SYNJ1: variants seen among roughly 807,000 people sequenced by gnomAD.
SYNJ1 encodes the protein polyphosphatidylinositol phosphatase SYNJ1.
Under a neutral mutation model 168.2 loss-of-function variants are expected in SYNJ1, and 78 were observed. That is an observed-to-expected ratio of 0.46 (90% confidence interval 0.39 to 0.56). The LOEUF (loss-of-function observed/expected upper bound fraction) is 0.56. Ranked by LOEUF, SYNJ1 falls within the 20% of genes least tolerant of loss-of-function variation. SYNJ1 has a pLI of 0.00. For missense variants in SYNJ1, 1,303 were observed against 1,597.6 expected (o/e 0.82, Z 3.14); for synonymous variants, 539 against 548.6 (o/e 0.98, Z 0.24).
At chr21:32,719,582 C>T (rs1447621153) in intron 2 of SYNJ1, among the ~76,000 whole-genome samples, 1 of 151,684 alleles carries the variant, frequency 6.6e-6, no homozygotes, top group African/African-American at 2.4e-5. Context: ...GGTGTGGTAG[C>T]GGGTGCCTGC....
chr21:32,640,574 C>T (rs1275053959), intron 29 of SYNJ1, among the ~76,000 whole-genome samples: 4 of 152,262 alleles, frequency 2.6e-5, no homozygotes, highest in Admixed American at 1.3e-4. Flanking sequence ...GGACCACAGG[C>T]GTGAGCCACC....
chr21:32,694,026 A>G (rs1187936617), intron 6 of SYNJ1, among the ~76,000 whole-genome samples: 1 of 152,232 alleles, frequency 6.6e-6, no homozygotes, highest in African/African-American at 2.4e-5. Flanking sequence ...TTCAATGGCT[A>G]TTTGAAAGAG....
At chr21:32,665,628 T>A (rs185957236) in intron 17 of SYNJ1, among the ~76,000 whole-genome samples, 1 of 152,200 alleles carries the variant, frequency 6.6e-6, no homozygotes, top group East Asian at 1.9e-4. Flanking sequence ...ATCATACACA[T>A]ACTGACTGAT....
At chr21:32,688,086 C>G (rs906812825) in intron 7 of SYNJ1, among the ~76,000 whole-genome samples, 2 of 151,966 alleles carry the variant, frequency 1.3e-5, no homozygotes, top group African/African-American at 4.8e-5. Flanking sequence ...CTGGACAATG[C>G]GCCCACAGAG....
intron 32 of SYNJ1, 121 bp from the exon 33 acceptor site, chr21:32,631,922 T>C (rs2039344758): frequency 8.9e-6 from 8 of 895,668 alleles, no homozygotes; most frequent in East Asian, 2.7e-5. Context: ...AACTAAAAAG[T>C]AGCTTTGTGT....
At chr21:32,722,004 G>T (rs1297549949) in intron 2 of SYNJ1, among the ~76,000 whole-genome samples, 1 of 151,516 alleles carries the variant, frequency 6.6e-6, no homozygotes, top group African/African-American at 2.4e-5. Context: ...TGACCAACAT[G>T]GAGAAACCCT....
chr21:32,671,919 C>T (rs1223258467), intron 14 of SYNJ1, among the ~76,000 whole-genome samples: 1 of 151,262 alleles, frequency 6.6e-6, no homozygotes, highest in Non-Finnish European at 1.5e-5. Context: ...ATTAGCCGGG[C>T]ACGGTGGCAG....
At chr21:32,675,304 T>A (rs1238521627) in intron 13 of SYNJ1, among the ~76,000 whole-genome samples, 1 of 152,154 alleles carries the variant, frequency 6.6e-6, no homozygotes, top group Non-Finnish European at 1.5e-5. Context: ...AAGTCAGTTT[T>A]TAAATGAAAT....
intron 10 of SYNJ1, 117 bp from the exon 11 acceptor site, chr21:32,681,765 G>T: frequency 1.1e-6 from 1 of 888,238 alleles, no homozygotes; most frequent in Non-Finnish European, 1.6e-6. Flanking sequence ...TTTGGGACTA[G>T]CTTCTGAAAA....
intron 18 of SYNJ1, among the ~76,000 whole-genome samples, chr21:32,663,233 T>C (rs543719123): frequency 3.0e-4 from 46 of 152,146 alleles, no homozygotes; most frequent in African/African-American, 1.0e-3. Flanking sequence ...AATTTCTGGG[T>C]CCTAAAAACC....
chr21:32,640,332 C>A (rs1392806506), intron 29 of SYNJ1, among the ~76,000 whole-genome samples: 3 of 151,770 alleles, frequency 2.0e-5, no homozygotes, highest in Admixed American at 2.0e-4. Flanking sequence ...GAGTCTCACT[C>A]TGTGGCCAGA....
intron 6 of SYNJ1, among the ~76,000 whole-genome samples, chr21:32,693,063 A>G (rs548419327): frequency 1.3e-5 from 2 of 151,794 alleles, no homozygotes; most frequent in South Asian, 2.1e-4. Context: ...ATAAATATAA[A>G]TAAATTAAAC....
chr21:32,684,222 C>A, intron 9 of SYNJ1, 103 bp from the exon 10 acceptor site: 1 of 1,034,692 alleles, frequency 9.7e-7, no homozygotes, highest in Non-Finnish European at 1.5e-6. Flanking sequence ...CTTCCCTCTC[C>A]AACTTTTTAT....
intron 13 of SYNJ1, among the ~76,000 whole-genome samples, chr21:32,675,188 T>C (rs1435336223): frequency 6.6e-6 from 1 of 152,228 alleles, no homozygotes; most frequent in Non-Finnish European, 1.5e-5. Context: ...ATCCATTCTA[T>C]ATCAACACAC....
Position 32,712,601 on chromosome 21 carries a change from T to G in SYNJ1, c.125-10554A>C, listed in dbSNP as rs764073386. 1.8e-4 allele frequency among the ~76,000 whole-genome samples: 28 copies of G among 151,816 alleles called. 1 individual carries two copies. Among genetic ancestry groups the G allele is most frequent in the East Asian group, 1.9e-4 (1 of 5,182 alleles). On this transcript the variant is annotated intron_variant, in intron 2 of 32. Coordinates refer to ENST00000674351, the MANE Select transcript of SYNJ1 (RefSeq NM_203446.3). ...AGAAGTATTTATTGAATGCCTACCATGCACCAGGCCCCTGGCAAGGTTCTA... is the reference window on the plus strand; with the variant it reads ...AGAAGTATTTATTGAATGCCTACCAGGCACCAGGCCCCTGGCAAGGTTCTA...
chr21:32,665,605 C>T (rs2040894580), intron 17 of SYNJ1, among the ~76,000 whole-genome samples: 1 of 152,160 alleles, frequency 6.6e-6, no homozygotes, highest in Non-Finnish European at 1.5e-5. Context: ...CTTACCAGAC[C>T]AAACCAGTGT....
intron 12 of SYNJ1, among the ~76,000 whole-genome samples, chr21:32,678,153 A>T (rs2041485278): frequency 6.6e-6 from 1 of 152,166 alleles, no homozygotes; most frequent in Non-Finnish European, 1.5e-5. Context: ...AGTGCCCAAT[A>T]ATTAGCACTA....
intron 2 of SYNJ1, among the ~76,000 whole-genome samples, chr21:32,707,587 G>A (rs1261271395): frequency 6.6e-6 from 1 of 151,954 alleles, no homozygotes; most frequent in East Asian, 1.9e-4. Flanking sequence ...TCCTGCCTTG[G>A]CCTCGCAAAG....
At chr21:32,656,950 G>T (rs1411153653) in intron 20 of SYNJ1, 48 bp from the exon 21 acceptor site, 6 of 1,610,364 alleles carry the variant, frequency 3.7e-6, no homozygotes, top group African/African-American at 2.7e-5. Flanking sequence ...TTTTAAAAGG[G>T]TGTATTTCAA....
Sources: gnomAD v4.1 joint callset for allele counts (sites outside exome capture counted in the v4.1 genomes callset) on GRCh38, gnomAD v4.1.1 for gene constraint, MANE v1.5 for transcripts, NCBI Gene and HGNC (gene_info 2026-07-23, HGNC 2026-07-21) for gene names.